The following ATXN7L2 variants were observed in gnomAD, a reference collection of about 807,000 sequenced individuals.
The protein encoded by ATXN7L2 is ataxin-7-like protein 2.
Under a neutral mutation model 59.6 loss-of-function variants are expected in ATXN7L2, and 17 were observed. The ratio of observed to expected loss-of-function variants is 0.29; its 90% confidence interval spans 0.20 to 0.43. ATXN7L2 has a LOEUF of 0.43. Among genes scored for constraint, ATXN7L2 ranks in the 20% least tolerant of loss-of-function variants. The pLI is 1.00. For missense variants in ATXN7L2, 858 were observed against 1,008.9 expected (o/e 0.85, Z 2.03); for synonymous variants, 378 against 392.5 (o/e 0.96, Z 0.44).
intron 1 of ATXN7L2, among the ~76,000 whole-genome samples, chr1:109,484,701 G>A (rs1028770152): frequency 5.3e-5 from 8 of 152,024 alleles, no homozygotes; most frequent in African/African-American, 1.2e-4. Flanking sequence ...CCTTCTCTAG[G>A]CCCCTGAGTG....
rs144683695 is a variant in ATXN7L2, at chr1:109,490,963, A to G, written c.1496A>G (p.Asn499Ser). The change falls in exon 10 of 11, where the codon AAC becomes AGC. Residue 499 changes from asparagine (N) to serine (S), a missense_variant. Physicochemically the swap from Asn to Ser is conservative, Grantham distance 46. This residue lies in a region of ATXN7L2 where 734 missense variants were observed against 862.3 expected (regional missense o/e 0.85). Coordinates refer to ENST00000683729, the MANE Select transcript of ATXN7L2 (RefSeq NM_001350175.2). ...GCTGAACCTCCAGCTCACCTTGTCA[A>G]CTCCCCGTTATCTGCTCCCCTGAGC... ...PAAEPPAHLV[N>S]SPLSAPLSPS... The G allele has an allele frequency of 6.3e-6, 10 of 1,580,238 alleles. No individual in the cohort carries two copies. The highest frequency in any genetic ancestry group is 5.5e-5 in the African/African-American group (4 of 73,316).
In ATXN7L2 at chr1:109,488,579, G is replaced by A. The variant is rs115667120; in HGVS notation, c.879+114G>A. ...TGAAGGTCCAGCTTAAGGGAGGGCA[G>A]TTAGGCCCACCCAAGGGAAGGGGAG... On this transcript the variant is annotated intron_variant, in intron 6 of 10. Transcript: ENST00000683729. The surrounding 1 kb of genome is among the most constrained non-coding windows in gnomAD (Gnocchi z 5.0). 1.5e-3 allele frequency: 1,865 copies of A among 1,234,092 alleles called. 3 individuals are homozygous for A. The highest frequency in any genetic ancestry group is 1.9e-3 in the Non-Finnish European group (1,679 of 876,540). 76.4% of individuals were successfully genotyped at this position (1,234,092 alleles called of 1,614,324 possible).
rs768903498 is a variant in ATXN7L2, at chr1:109,491,177, C to T, written c.1710C>T (p.Ala570=). ...GSQAITSPLP[A]NTPSPSFSKL... ...AGGCTATCACCTCACCACTGCCTGC[C>T]AACACGCCATCCCCGTCCTTCAGCA... The change falls in exon 10 of 11, where the codon GCC becomes GCT. Residue 570 remains alanine, a synonymous_variant. Transcript: ENST00000683729. This position sits in a 1 kb window ranked among gnomAD's most constrained non-coding sequence, Gnocchi z 4.1. The T allele has an allele frequency of 3.1e-6, 5 of 1,613,802 alleles. No homozygotes were observed. In the Admixed American group the frequency reaches 8.3e-5, roughly 27 times the overall value.
chr1:109,489,762 T>G, intron 7 of ATXN7L2, 168 bp from the exon 8 acceptor site: 3 of 700,930 alleles, frequency 4.3e-6, no homozygotes, highest in Non-Finnish European at 7.3e-6. Context: ...TCTTACTCTG[T>G]GAGCTGTGTC....
chr1:109,490,292 C>A lies in ATXN7L2; in HGVS notation c.1354C>A (p.Leu452Met), dbSNP rs1364077737. ...TTAGTTCTGCACCTTTGGGAGCCGGCTGGTGAGCCCAGGATGCTATGTGTT... is the reference window on the plus strand; with the variant it reads ...TTAGTTCTGCACCTTTGGGAGCCGGATGGTGAGCCCAGGATGCTATGTGTT... The part of the protein sequence containing the change: ...PQAFCTFGSR[L>M]VSPGCYVFSR... The change falls in exon 9 of 11, where the codon CTG (leucine) becomes ATG (methionine). Residue 452 changes from leucine to methionine, a missense_variant. Transcript: ENST00000683729. 6.2e-7 allele frequency: 1 copy of A among 1,613,862 alleles called. No homozygotes were observed. The highest frequency in any genetic ancestry group is 1.1e-5 in the South Asian group (1 of 91,090).
In ATXN7L2 at chr1:109,483,941, G is replaced by C; in HGVS notation, c.-13G>C. ...GGCGGCGGCGCCAGGGCGGGCGCGCGTCCGCGGCGGTGATGGCGGTGCGTG... is the reference window on the plus strand; with the variant it reads ...GGCGGCGGCGCCAGGGCGGGCGCGCCTCCGCGGCGGTGATGGCGGTGCGTG... On this transcript the variant is annotated 5_prime_UTR_variant, in exon 1 of 11. Coordinates refer to ENST00000683729, the MANE Select transcript of ATXN7L2 (RefSeq NM_001350175.2). The C allele has an allele frequency of 8.2e-7, 1 of 1,218,554 alleles. No individual in the cohort carries two copies. The highest frequency in any genetic ancestry group is 3.8e-5 in the South Asian group (1 of 26,282). 75.5% of individuals were successfully genotyped at this position (1,218,554 alleles called of 1,614,324 possible).
Position 109,489,101 on chromosome 1 carries a change from G to GTA in ATXN7L2, c.1133+2_1133+3dup. On this transcript the variant is annotated splice_donor_variant, in intron 7 of 10. Coordinates refer to ENST00000683729, the MANE Select transcript of ATXN7L2 (RefSeq NM_001350175.2). LOFTEE classifies it high-confidence loss of function. ...CCTACCCATACTGTGCACTGCCCAG[G>GTA]TACGTCTAGAATCCAACCCCTACCT... 6.2e-7 allele frequency: 1 copy of GTA among 1,610,734 alleles called. No homozygotes were observed. The highest frequency in any genetic ancestry group is 8.5e-7 in the Non-Finnish European group (1 of 1,177,354).
chr1:109,492,715 AG>A lies in ATXN7L2; in HGVS notation c.*116del, dbSNP rs577968809. The A allele has an allele frequency of 8.5e-5, 111 of 1,308,682 alleles. No homozygotes were observed. The African/African-American group carries it at 1.6e-3, about 19-fold the overall frequency. 81.1% of individuals were successfully genotyped at this position (1,308,682 alleles called of 1,614,324 possible). A position where few individuals can be genotyped will look rare whatever the true frequency, so the allele number is the denominator to read the frequency against. ...TATATTATTTTTTTTTAAGAAAAAA[AG>A]CTCTTTAAAATACCTCAAGACTGTC... is the stretch of plus-strand genomic sequence containing the variant. On this transcript the variant is annotated 3_prime_UTR_variant, in exon 11 of 11. Transcript: ENST00000683729.
chr1:109,492,503 T>C (rs1657176100), intron 10 of ATXN7L2, 83 bp from the exon 11 acceptor site: 15 of 1,569,052 alleles, frequency 9.6e-6, no homozygotes, highest in Non-Finnish European at 1.3e-5. Context: ...AGCTTTAGCC[T>C]CTGTAGTGCA....
intron 10 of ATXN7L2, chr1:109,492,054 G>T: frequency 1.8e-6 from 2 of 1,108,960 alleles, no homozygotes; most frequent in Non-Finnish European, 2.2e-6. Flanking sequence ...GTTCCCTGAA[G>T]GAAAGGGAGT....
chr1:109,491,569 C>G lies in ATXN7L2; in HGVS notation c.2102C>G (p.Ala701Gly). 1.2e-6 allele frequency: 2 copies of G among 1,613,944 alleles called. No homozygotes were observed. The highest frequency in any genetic ancestry group is 1.7e-6 in the Non-Finnish European group (2 of 1,180,036). Reference sequence around the variant, plus strand: ...AACTGCCTCTCTGAGGAGGAGGTGGCCAAGAAGCGGAAAAACCTGGCCACT... The same window carrying G: ...AACTGCCTCTCTGAGGAGGAGGTGGGCAAGAAGCGGAAAAACCTGGCCACT... ...PTNCLSEEEVAKKRKNLATYC... is the reference protein window; with the variant it reads ...PTNCLSEEEVGKKRKNLATYC... Residue 701 changes from alanine to glycine, a missense_variant, in exon 10 of 11, where the codon GCC becomes GGC. This residue lies in a region of ATXN7L2 where 734 missense variants were observed against 862.3 expected (regional missense o/e 0.85). Coordinates refer to ENST00000683729, the MANE Select transcript of ATXN7L2 (RefSeq NM_001350175.2). The surrounding 1 kb of genome is among the most constrained non-coding windows in gnomAD (Gnocchi z 4.1).
Position 109,486,971 on chromosome 1 carries a change from C to T in ATXN7L2, c.299-36C>T, listed in dbSNP as rs1656624274. On this transcript the variant is annotated intron_variant, in intron 3 of 10. Coordinates refer to ENST00000683729, the MANE Select transcript of ATXN7L2 (RefSeq NM_001350175.2). This position sits in a 1 kb window ranked among gnomAD's most constrained non-coding sequence, Gnocchi z 4.3. ...GTTGGGGAAGGAAGTGGTGATACCA[C>T]TCACCTTGATTATTCTTTCCACCTC... 4 of 1,518,080 alleles carry T rather than the reference C, an allele frequency of 2.6e-6. No homozygotes were observed. The highest frequency in any genetic ancestry group is 3.6e-6 in the Non-Finnish European group (4 of 1,125,262). The allele number at this position is 1,518,080 out of a possible 1,614,324, so 94.0% of individuals were successfully genotyped here. A position where few individuals can be genotyped will look rare whatever the true frequency, so the allele number is the denominator to read the frequency against.
chr1:109,488,855 A>G lies in ATXN7L2; in HGVS notation c.888A>G (p.Ser296=). 1.2e-6 allele frequency: 2 copies of G among 1,613,810 alleles called. No homozygotes were observed. The highest frequency in any genetic ancestry group is 1.7e-6 in the Non-Finnish European group (2 of 1,179,924). The stretch of plus-strand genomic sequence containing the variant: ...ACTCTGCTGTATTCTAGATCCACTC[A>G]GTACACCAGCGCCGGGAAGTCCAGG... ...CTRLLTCKIH[S]VHQRREVQGR... is the part of the protein sequence containing the mutation. The change falls in exon 7 of 11, where the codon TCA becomes TCG. Residue 296 remains serine, a synonymous_variant. Coordinates refer to ENST00000683729, the MANE Select transcript of ATXN7L2 (RefSeq NM_001350175.2). This position sits in a 1 kb window ranked among gnomAD's most constrained non-coding sequence, Gnocchi z 5.0.
intron 7 of ATXN7L2, 53 bp from the exon 8 acceptor site, chr1:109,489,877 A>G: frequency 1.2e-6 from 2 of 1,600,858 alleles, no homozygotes; most frequent in Non-Finnish European, 1.7e-6. Flanking sequence ...GGATGCCCCT[A>G]CTCTGACCCC....
Position 109,486,001 on chromosome 1 carries a change from G to A in ATXN7L2, c.128-56G>A. The A allele has an allele frequency of 6.1e-6, 9 of 1,485,828 alleles. No individual in the cohort carries two copies. Among genetic ancestry groups the A allele is most frequent in the Non-Finnish European group, 8.0e-6 (9 of 1,119,058 alleles). 92.0% of individuals were successfully genotyped at this position (1,485,828 alleles called of 1,614,324 possible). On this transcript the variant is annotated intron_variant, in intron 1 of 10. Transcript: ENST00000683729. The surrounding 1 kb of genome is among the most constrained non-coding windows in gnomAD (Gnocchi z 4.3). ...GGAAGAACAGTCTCTGGTAAGGAGA[G>A]GCTGGAGACTCTCTAAAACTGGCCC...
Position 109,491,473 on chromosome 1 carries a change from C to G in ATXN7L2, c.2006C>G (p.Pro669Arg). The G allele has an allele frequency of 1.2e-6, 2 of 1,614,018 alleles. No individual in the cohort carries two copies. Among genetic ancestry groups the G allele is most frequent in the Non-Finnish European group, 1.7e-6 (2 of 1,180,050 alleles). The stretch of plus-strand genomic sequence containing the variant: ...TGTCGTGGCTCCCCTCATCAGCTCC[C>G]CACACCAGTCAAGGCTTCTCAGCTG... ...LDCRGSPHQLPTPVKASQLEN... is the reference protein window; with the variant it reads ...LDCRGSPHQLRTPVKASQLEN... Residue 669 changes from proline to arginine, a missense_variant, in exon 10 of 11, where the codon CCC becomes CGC. Pro to Arg is a moderately radical substitution (Grantham distance 103). Coordinates refer to ENST00000683729, the MANE Select transcript of ATXN7L2 (RefSeq NM_001350175.2). The surrounding 1 kb of genome is among the most constrained non-coding windows in gnomAD (Gnocchi z 4.1).
chr1:109,490,610 G>A (rs1229224478), intron 9 of ATXN7L2, among the ~76,000 whole-genome samples: 2 of 152,304 alleles, frequency 1.3e-5, no homozygotes, highest in Middle Eastern at 3.4e-3. Context: ...TGGTCTGGGG[G>A]TGAATCTAGA....
At position 109,487,174 on chromosome 1, in the gene ATXN7L2, C is replaced by A; in HGVS notation, c.466C>A (p.Arg156Ser). ...SREKGQGSRS[R>S]GHQPPEKTQK... The stretch of plus-strand genomic sequence containing the variant: ...GGAGAAGGGCCAGGGGTCCCGGAGC[C>A]GTGGCCACCAGCCTCCTGAGAAGAC... Residue 156 changes from arginine to serine, a missense_variant, in exon 4 of 11, where the codon CGT (arginine) becomes AGT (serine). Coordinates refer to ENST00000683729, the MANE Select transcript of ATXN7L2 (RefSeq NM_001350175.2). 1 of 1,594,764 alleles carries A rather than the reference C, an allele frequency of 6.3e-7. No homozygotes were observed. Among genetic ancestry groups the A allele is most frequent in the East Asian group, 2.3e-5 (1 of 44,322 alleles).
chr1:109,484,120 A>G, intron 1 of ATXN7L2, 40 bp downstream of exon 1: 2 of 1,403,478 alleles, frequency 1.4e-6, no homozygotes, highest in Non-Finnish European at 1.9e-6. Context: ...CCCCATCACT[A>G]TCTCCCCTCC....
Sources: allele counts gnomAD v4.1 joint callset (sites outside exome capture counted in the v4.1 genomes callset), GRCh38; gene constraint gnomAD v4.1.1; regional missense constraint gnomAD v4.1.1; non-coding constraint Gnocchi (gnomAD v3.1); transcripts MANE v1.5; gene names NCBI Gene and HGNC (gene_info 2026-07-23, HGNC 2026-07-21).